The following DHX58 variants were observed in gnomAD, a reference collection of about 807,000 sequenced individuals.
The protein encoded by DHX58 is DExH-box helicase 58, also known as ATP-dependent RNA helicase DHX58.
In DHX58, 51 loss-of-function variants were observed where a neutral mutation model predicts 65.0. That is an observed-to-expected ratio of 0.78 (90% CI 0.63 to 0.99). The LOEUF (loss-of-function observed/expected upper bound fraction) is 0.99. DHX58 is among the 50% of genes least tolerant of loss of function. The pLI, the probability that DHX58 is intolerant of heterozygous loss-of-function variation, is 0.00. For synonymous variants in DHX58, 350 were observed against 365.0 expected, an observed-to-expected ratio of 0.96 and a Z score of 0.47; for missense variants, 773 against 891.8, an observed-to-expected ratio of 0.87 and a Z score of 1.70.
At position 42,107,812 on chromosome 17, in the gene DHX58, C is replaced by G; in HGVS notation, c.806-17G>C. On this transcript the variant is annotated splice_polypyrimidine_tract_variant and intron_variant, in intron 7 of 13. Transcript: ENST00000251642. ...CCAAAGCCGCTGCGGGAAGAGGGCG[C>G]AGGGTCTGAGCAGCCCACAGCCCCG... 2 of 1,558,114 alleles carry G rather than the reference C, an allele frequency of 1.3e-6. No homozygotes were observed. Among genetic ancestry groups the G allele is most frequent in the Non-Finnish European group, 1.7e-6 (2 of 1,150,736 alleles).
In DHX58 at chr17:42,107,600, T is replaced by G; in HGVS notation, c.997+4A>C. 6.6e-6 allele frequency: 5 copies of G among 759,268 alleles called. No homozygotes were observed. The highest frequency in any genetic ancestry group is 7.8e-6 in the Non-Finnish European group (4 of 516,122). 47.0% of individuals were successfully genotyped at this position (759,268 alleles called of 1,614,324 possible). ...CGGCCCCGAAGCCCCCTCCCGCCCC[T>G]CACCATCGAACAGGGCCAGCAGCCG... On this transcript the variant is annotated splice_donor_region_variant and intron_variant, in intron 8 of 13. Transcript: ENST00000251642.
At chr17:42,102,417 C>A in intron 12 of DHX58, 105 bp from the exon 13 acceptor site, 1 of 993,002 alleles carries the variant, frequency 1.0e-6, no homozygotes, top group Non-Finnish European at 1.6e-6. Flanking sequence ...GGCCTTCCTG[C>A]TGGTTAAGAG....
chr17:42,111,062 C>A, intron 4 of DHX58, 149 bp from the exon 5 acceptor site: 1 of 1,066,774 alleles, frequency 9.4e-7, no homozygotes, highest in African/African-American at 1.6e-5. Flanking sequence ...GCAGGGAAGA[C>A]TTCTTTCCAT....
At position 42,107,616 on chromosome 17, in the gene DHX58, C is replaced by A; in HGVS notation, c.985G>T (p.Ala329Ser). ...TCCCGCCCCTCACCATCGAACAGGGCCAGCAGCCGGCGCTCGGCACACAGG... is the reference window on the plus strand; with the variant it reads ...TCCCGCCCCTCACCATCGAACAGGGACAGCAGCCGGCGCTCGGCACACAGG... The part of the protein sequence containing the change: ...QILCAERRLL[A>S]LFDDRKNELA... Residue 329 changes from alanine (A) to serine (S), a missense_variant, in exon 8 of 14, where the codon GCC becomes TCC. By Grantham distance (99) the Ala-to-Ser change is moderately conservative. Transcript: ENST00000251642. 2 of 1,546,792 alleles carry A rather than the reference C, an allele frequency of 1.3e-6. No homozygotes were observed. The highest frequency in any genetic ancestry group is 1.8e-6 in the Non-Finnish European group (2 of 1,139,196).
In DHX58 at chr17:42,110,815, C is replaced by T. The variant is rs781920109; in HGVS notation, c.469G>A (p.Ala157Thr). 1 of 1,613,940 alleles carries T rather than the reference C, an allele frequency of 6.2e-7. No homozygotes were observed. Among genetic ancestry groups the T allele is most frequent in the Non-Finnish European group, 8.5e-7 (1 of 1,179,940 alleles). The part of the protein sequence containing the change: ...SQYLELKLQR[A>T]QPLPQVLGLT... ...CCCAGCACCTGGGGTAGCGGCTGTG[C>T]CCTCTGGAGTTTAAGTTCTAGGTAC... is the stretch of plus-strand genomic sequence containing the variant. The change falls in exon 5 of 14, where the codon GCA (alanine) becomes ACA (threonine). Residue 157 changes from alanine (A) to threonine (T), a missense_variant. By Grantham distance (58) the Ala-to-Thr change is moderately conservative (BLOSUM62 0). Coordinates refer to ENST00000251642, the MANE Select transcript of DHX58 (RefSeq NM_024119.3).
intron 6 of DHX58, among the ~76,000 whole-genome samples, chr17:42,108,317 G>A (rs975420174): frequency 6.6e-6 from 1 of 152,200 alleles, no homozygotes; most frequent in Non-Finnish European, 1.5e-5. Context: ...GCCTGGGCAC[G>A]GTGATGCCTA....
rs572169890 is a variant in DHX58, at chr17:42,105,106, G to A, written c.1313C>T (p.Thr438Met). 3 of 1,613,976 alleles carry A rather than the reference G, an allele frequency of 1.9e-6. No homozygotes were observed. The highest frequency in any genetic ancestry group is 2.5e-6 in the Non-Finnish European group (3 of 1,179,990). ...QDGTLNLLVA[T>M]SVAEEGLDIP... The stretch of plus-strand genomic sequence containing the variant: ...GTCCAGCCCCTCCTCCGCCACACTC[G>A]TGGCCACCAGAAGGTTCAGGGTTCC... Residue 438 changes from threonine (T) to methionine (M), a missense_variant, in exon 10 of 14, where the codon ACG becomes ATG. By Grantham distance (81) the Thr-to-Met change is moderately conservative (BLOSUM62 -1). Coordinates refer to ENST00000251642, the MANE Select transcript of DHX58 (RefSeq NM_024119.3).
chr17:42,103,850 T>C (rs2054014844), intron 11 of DHX58, 52 bp from the exon 12 acceptor site: 1 of 1,558,052 alleles, frequency 6.4e-7, no homozygotes, highest in East Asian at 2.3e-5. Context: ...GAACGTTCCT[T>C]GGGGGACAAA....
chr17:42,101,867 T>C lies in DHX58; in HGVS notation c.1931A>G (p.Gln644Arg). The C allele has an allele frequency of 3.1e-6, 5 of 1,614,246 alleles. No homozygotes were observed. The highest frequency in any genetic ancestry group is 4.2e-6 in the Non-Finnish European group (5 of 1,180,028). The change falls in exon 14 of 14, where the codon CAG becomes CGG. Residue 644 changes from glutamine (Q) to arginine (R), a missense_variant. Gln to Arg is a conservative substitution (Grantham distance 43). Transcript: ENST00000251642. The part of the protein sequence containing the change: ...KVRSMLLETP[Q>R]GRIQAKKWSR... ...CCACTTTTTGGCCTGGATCCGCCCC[T>C]GAGGGGTCTCCAGCAGCATGCTGCG...
chr17:42,103,326 CAGAGGG>C, intron 12 of DHX58: 1 of 459,690 alleles, frequency 2.2e-6, no homozygotes, highest in East Asian at 4.5e-5. Flanking sequence ...TAGGTAGGAC[CAGAGGG>C]TCAATGTGTG....
intron 5 of DHX58, among the ~76,000 whole-genome samples, chr17:42,110,052 T>A (rs1263193253): frequency 2.0e-5 from 3 of 150,934 alleles, no homozygotes; most frequent in Non-Finnish European, 4.4e-5. Context: ...CTGGGCATAG[T>A]GGTGGGTGCC....
intron 3 of DHX58, 75 bp from the exon 4 acceptor site, chr17:42,111,572 C>A: frequency 6.3e-7 from 1 of 1,592,770 alleles, no homozygotes; most frequent in South Asian, 1.1e-5. Flanking sequence ...AGGTGACCCG[C>A]AGGACATGGC....
Position 42,105,305 on chromosome 17 carries a change from T to A in DHX58, c.1252-138A>T, listed in dbSNP as rs1367829970. 6 of 1,170,274 alleles carry A rather than the reference T, an allele frequency of 5.1e-6. No individual in the cohort carries two copies. In the African/African-American group the frequency reaches 9.4e-5, roughly 18 times the overall value. 72.5% of individuals were successfully genotyped at this position (1,170,274 alleles called of 1,614,324 possible). A position where few individuals can be genotyped will look rare whatever the true frequency, so the allele number is the denominator to read the frequency against. On this transcript the variant is annotated intron_variant, in intron 9 of 13. Transcript: ENST00000251642. ...ATCTCCCTAGAGTACTTGAATCCCA[T>A]CTTTATCCCCAGGTACCCCCAGGAT...
At chr17:42,109,666 C>G (rs529372375) in intron 5 of DHX58, among the ~76,000 whole-genome samples, 1 of 152,254 alleles carries the variant, frequency 6.6e-6, no homozygotes, top group South Asian at 2.1e-4. Context: ...GAGGCCAAGG[C>G]GGGCGGGTCA....
intron 6 of DHX58, 117 bp from the exon 7 acceptor site, chr17:42,108,225 G>C: frequency 6.7e-7 from 1 of 1,494,754 alleles, no homozygotes; most frequent in Non-Finnish European, 9.1e-7. Flanking sequence ...TGTCTTAGCT[G>C]TGGTGTGAGC....
At position 42,111,789 on chromosome 17, in the gene DHX58, G is replaced by A. The variant is rs1412128115; in HGVS notation, c.104C>T (p.Ala35Val). 5.6e-6 allele frequency: 9 copies of A among 1,613,960 alleles called. No homozygotes were observed. The highest frequency in any genetic ancestry group is 6.8e-6 in the Non-Finnish European group (8 of 1,179,984). ...CTCTAGGTGCCGCTTGGCCACATAAGCAGCCGCCCGGGTCTTCCCGGCACC... is the reference window on the plus strand; with the variant it reads ...CTCTAGGTGCCGCTTGGCCACATAAACAGCCGCCCGGGTCTTCCCGGCACC... ...PTGAGKTRAA[A>V]YVAKRHLETV... Residue 35 changes from alanine to valine, a missense_variant, in exon 3 of 14, where the codon GCT (alanine) becomes GTT (valine). Physicochemically the swap from Ala to Val is moderately conservative, Grantham distance 64. Coordinates refer to ENST00000251642, the MANE Select transcript of DHX58 (RefSeq NM_024119.3).
chr17:42,107,191 G>A (rs1293216218), intron 8 of DHX58, among the ~76,000 whole-genome samples: 3 of 152,008 alleles, frequency 2.0e-5, no homozygotes, highest in Admixed American at 1.3e-4. Flanking sequence ...GCAAGACTCC[G>A]CCTCTTCAAA....
chr17:42,102,554 T>A, intron 12 of DHX58: 1 of 438,502 alleles, frequency 2.3e-6, no homozygotes, highest in Non-Finnish European at 4.1e-6. Flanking sequence ...AGTCTCCTTA[T>A]GGGTCTCTCT....
chr17:42,102,102 A>T, intron 13 of DHX58, 114 bp downstream of exon 13: 1 of 1,439,886 alleles, frequency 6.9e-7, no homozygotes, highest in Non-Finnish European at 9.6e-7. Context: ...CTCCCTCTTC[A>T]GACTGGAGGC....
Sources: allele counts gnomAD v4.1 joint callset (sites outside exome capture counted in the v4.1 genomes callset), GRCh38; gene constraint gnomAD v4.1.1; transcripts MANE v1.5; gene names NCBI Gene and HGNC (gene_info 2026-07-23, HGNC 2026-07-21).